The following PNPLA7 variants were observed in gnomAD, a reference collection of about 807,000 sequenced individuals.
PNPLA7 encodes the protein patatin-like phospholipase domain-containing protein 7.
Under a neutral mutation model 161.7 loss-of-function variants are expected in PNPLA7, and 153 were observed. The ratio of observed to expected loss-of-function variants is 0.95; its 90% CI spans 0.83 to 1.08. The LOEUF is 1.08. PNPLA7 is among the 50% of genes least tolerant of loss of function. The pLI, the probability that PNPLA7 is intolerant of heterozygous loss-of-function variation, is 0.00. For missense variants in PNPLA7, 1,739 were observed against 1,856.6 expected (o/e 0.94, Z 1.16); for synonymous variants, 809 against 782.1 (o/e 1.03, Z -0.57).
In PNPLA7 at chr9:137,462,945, G is replaced by A. The variant is rs1043280061; in HGVS notation, c.3344-112C>T. Reference sequence around the variant, plus strand: ...GTGGGGGTTGTGGGGTCTCCTCTCCGCCATTACACCTTCTAGAGGCAGAAG... The same window carrying A: ...GTGGGGGTTGTGGGGTCTCCTCTCCACCATTACACCTTCTAGAGGCAGAAG... On this transcript the variant is annotated intron_variant, in intron 29 of 34. Transcript: ENST00000406427. 5.1e-5 allele frequency: 71 copies of A among 1,402,902 alleles called. No homozygotes were observed. The Admixed American group carries it at 8.2e-4, about 16-fold the overall frequency. The allele number at this position is 1,402,902 out of a possible 1,614,324, so 86.9% of individuals were successfully genotyped here. A position where few individuals can be genotyped will look rare whatever the true frequency, so the allele number is the denominator to read the frequency against.
At chr9:137,478,874 G>T in intron 24 of PNPLA7, 182 bp downstream of exon 24, 1 of 872,600 alleles carries the variant, frequency 1.1e-6, no homozygotes, top group Non-Finnish European at 1.6e-6. Flanking sequence ...TCCTAGCCGT[G>T]GCCACCAGAG....
chr9:137,492,439 G>A, intron 20 of PNPLA7: 2 of 432,774 alleles, frequency 4.6e-6, no homozygotes, highest in Non-Finnish European at 6.1e-6. Flanking sequence ...ACTGGGCTCG[G>A]GTGGGCGGGG....
At chr9:137,475,157 T>C (rs915864257) in intron 25 of PNPLA7, among the ~76,000 whole-genome samples, 6 of 151,916 alleles carry the variant, frequency 3.9e-5, no homozygotes, top group African/African-American at 1.5e-4. Context: ...GGGAATCCAG[T>C]GTCAGTGGAT....
intron 21 of PNPLA7, 85 bp from the exon 22 acceptor site, chr9:137,481,108 G>T: frequency 6.9e-7 from 1 of 1,438,852 alleles, no homozygotes; most frequent in Non-Finnish European, 9.6e-7. Context: ...GCAAGGTACC[G>T]ACGCCGAGCC....
At chr9:137,504,136 G>GA (rs1169481348) in intron 14 of PNPLA7, among the ~76,000 whole-genome samples, 6 of 147,958 alleles carry the variant, frequency 4.1e-5, no homozygotes, top group African/African-American at 1.5e-4. Flanking sequence ...AAAGGAAGAA[G>GA]AAAAAAGAAA....
Position 137,464,346 on chromosome 9 carries a change from C to T in PNPLA7, c.3150G>A (p.Gln1050=). 6.2e-7 allele frequency: 1 copy of T among 1,613,568 alleles called. No homozygotes were observed. Among genetic ancestry groups the T allele is most frequent in the Non-Finnish European group, 8.5e-7 (1 of 1,179,758 alleles). ...SSIFSVFKDQ[Q]IEDLWIPYFA... The stretch of plus-strand genomic sequence containing the variant: ...CCTGAGGGTGGGGGTGCACCTCGAT[C>T]TGCTGGTCCTTGAAGACGCTGAAGA... Residue 1050 remains glutamine (Q), a synonymous_variant, in exon 27 of 35, where the codon CAG becomes CAA. Coordinates refer to ENST00000406427, the MANE Select transcript of PNPLA7 (RefSeq NM_001098537.3).
chr9:137,504,010 AAGG>A (rs1833751801), intron 14 of PNPLA7, among the ~76,000 whole-genome samples: 2 of 137,990 alleles, frequency 1.4e-5, no homozygotes, highest in East Asian at 4.4e-4. Flanking sequence ...AAGAAAGAAG[AAGG>A]AAGAAGAAGA....
chr9:137,491,947 G>A (rs1832783280), intron 20 of PNPLA7: 11 of 985,358 alleles, frequency 1.1e-5, no homozygotes, highest in Non-Finnish European at 1.2e-5. Flanking sequence ...AGACGGAGAT[G>A]CAGGACACGC....
At chr9:137,487,541 G>C (rs909246239) in intron 20 of PNPLA7, among the ~76,000 whole-genome samples, 1 of 152,272 alleles carries the variant, frequency 6.6e-6, no homozygotes, top group Non-Finnish European at 1.5e-5. Context: ...CACCACCTGA[G>C]CAGCTGTAAG....
intron 10 of PNPLA7, among the ~76,000 whole-genome samples, chr9:137,521,106 T>C (rs772724340): frequency 3.4e-5 from 5 of 148,998 alleles, no homozygotes; most frequent in African/African-American, 5.0e-5. Flanking sequence ...CAGCCTCTGC[T>C]TGACATGGCT....
chr9:137,508,140 C>T (rs187016773), intron 12 of PNPLA7, among the ~76,000 whole-genome samples: 3 of 152,038 alleles, frequency 2.0e-5, no homozygotes, highest in Non-Finnish European at 2.9e-5. Flanking sequence ...GCAGGTGGAT[C>T]ATTTGAGCCC....
At position 137,499,106 on chromosome 9, in the gene PNPLA7, G is replaced by A. The variant is rs545207965; in HGVS notation, c.1758-861C>T. On this transcript the variant is annotated intron_variant, in intron 16 of 34. Coordinates refer to ENST00000406427, the MANE Select transcript of PNPLA7 (RefSeq NM_001098537.3). The surrounding 1 kb of genome is among the most constrained non-coding windows in gnomAD (Gnocchi z 5.5). Reference sequence around the variant, plus strand: ...GACGGCTGCAAGGCACACCATGCACGGACACACAGGCAGACACACAGACAC... The same window carrying A: ...GACGGCTGCAAGGCACACCATGCACAGACACACAGGCAGACACACAGACAC... Among the ~76,000 whole-genome samples, 5 of 151,968 alleles carry A rather than the reference G, an allele frequency of 3.3e-5. No homozygotes were observed. The highest frequency in any genetic ancestry group is 3.9e-4 in the East Asian group (2 of 5,166).
At position 137,541,421 on chromosome 9, in the gene PNPLA7, G is replaced by A. The variant is rs1836196470; in HGVS notation, c.667-699C>T. On this transcript the variant is annotated intron_variant, in intron 7 of 34. Transcript: ENST00000406427. The surrounding 1 kb of genome is among the most constrained non-coding windows in gnomAD (Gnocchi z 4.4). ...GCCACAGACAAAGCGACAAACCTGA[G>A]AACCAAATAATTTGCCCAGCAGCGC... 2.0e-6 allele frequency: 2 copies of A among 985,372 alleles called. No homozygotes were observed. Among genetic ancestry groups the A allele is most frequent in the East Asian group, 1.1e-4 (1 of 8,814 alleles). 61.0% of individuals were successfully genotyped at this position (985,372 alleles called of 1,614,324 possible). A position where few individuals can be genotyped will look rare whatever the true frequency, so the allele number is the denominator to read the frequency against.
At chr9:137,488,208 C>T (rs1037435345) in intron 20 of PNPLA7, among the ~76,000 whole-genome samples, 4 of 152,144 alleles carry the variant, frequency 2.6e-5, no homozygotes, top group Admixed American at 6.5e-5. Flanking sequence ...GGCCCGAACG[C>T]GGCTCTCGCG....
At chr9:137,511,289 T>TG (rs1050865783) in intron 12 of PNPLA7, among the ~76,000 whole-genome samples, 2 of 150,122 alleles carry the variant, frequency 1.3e-5, no homozygotes, top group East Asian at 4.0e-4. Flanking sequence ...CGCCAGCACC[T>TG]GGGAAGGCAC....
At chr9:137,503,232 C>T (rs1265882936) in intron 14 of PNPLA7, among the ~76,000 whole-genome samples, 2 of 151,862 alleles carry the variant, frequency 1.3e-5, no homozygotes, top group African/African-American at 4.8e-5. Flanking sequence ...AAATACAAAA[C>T]TCAGCTAGGT....
chr9:137,460,971 G>T, intron 33 of PNPLA7: 1 of 527,604 alleles, frequency 1.9e-6, no homozygotes, highest in Non-Finnish European at 3.4e-6. Context: ...AGGACAAGGA[G>T]CGGGCAGACA....
intron 8 of PNPLA7, among the ~76,000 whole-genome samples, chr9:137,529,734 T>C: frequency 6.7e-6 from 1 of 148,512 alleles, no homozygotes; most frequent in Non-Finnish European, 1.5e-5. Context: ...CTCGGCTCAC[T>C]GCAACCTCCG....
Position 137,543,422 on chromosome 9 carries a change from C to G in PNPLA7, c.506+10G>C. The G allele has an allele frequency of 4.3e-6, 7 of 1,613,986 alleles. No homozygotes were observed. The highest frequency in any genetic ancestry group is 5.9e-6 in the Non-Finnish European group (7 of 1,180,030). On this transcript the variant is annotated intron_variant, in intron 6 of 34. Coordinates refer to ENST00000406427, the MANE Select transcript of PNPLA7 (RefSeq NM_001098537.3). This position sits in a 1 kb window ranked among gnomAD's most constrained non-coding sequence, Gnocchi z 6.9. ...CTGCCGCAGCCCCCGGGGCTCATCC[C>G]CGCTCTTACCGAACGTTTTTCAGCA...
Sources: allele counts gnomAD v4.1 joint callset (sites outside exome capture counted in the v4.1 genomes callset), GRCh38; gene constraint gnomAD v4.1.1; non-coding constraint Gnocchi (gnomAD v3.1); transcripts MANE v1.5; gene names NCBI Gene and HGNC (gene_info 2026-07-23, HGNC 2026-07-21).